PKHD1L1: variants seen among roughly 807,000 people sequenced by gnomAD.
The protein encoded by PKHD1L1 is PKHD1 like 1, also known as fibrocystin-L.
In PKHD1L1, 434 loss-of-function variants were observed where a neutral mutation model predicts 462.9. The observed-to-expected ratio is 0.94, with a 90% CI of 0.87 to 1.02. The LOEUF (loss-of-function observed/expected upper bound fraction) is 1.02, where lower values mean the gene tolerates loss of function less well. Ranked by LOEUF, PKHD1L1 falls within the 50% of genes least tolerant of loss-of-function variation. PKHD1L1 has a pLI of 0.00. For missense variants in PKHD1L1, 5,202 were observed against 5,096.1 expected (o/e 1.02, Z -0.63); for synonymous variants, 1,781 against 1,750.0 (o/e 1.02, Z -0.44).
At chr8:109,401,400 C>T (rs1170598535) in intron 13 of PKHD1L1, 97 bp from the exon 14 acceptor site, 2 of 700,872 alleles carry the variant, frequency 2.9e-6, no homozygotes, top group African/African-American at 1.8e-5. Context: ...ACTTATGAAA[C>T]TTCTAAAACT....
chr8:109,389,126 T>C lies in PKHD1L1; in HGVS notation c.671T>C (p.Val224Ala), dbSNP rs1273765448. The C allele has an allele frequency of 1.2e-6, 2 of 1,610,744 alleles. No homozygotes were observed. Among genetic ancestry groups the C allele is most frequent in the Non-Finnish European group, 1.7e-6 (2 of 1,177,818 alleles). ...DHPNGDMGSMVCKTTGTFIGH... is the reference protein window; with the variant it reads ...DHPNGDMGSMACKTTGTFIGH... The stretch of plus-strand genomic sequence containing the variant: ...CCAAATGGAGATATGGGTTCTATGG[T>C]TTGTAAGACGACTGGAACTTTTATT... Residue 224 changes from valine to alanine, a missense_variant, in exon 8 of 78, where the codon GTT (valine) becomes GCT (alanine). Physicochemically the swap from Val to Ala is moderately conservative, Grantham distance 64. This residue lies in a region of PKHD1L1 where 4,497 missense variants were observed against 4,336.8 expected (regional missense o/e 1.04). Transcript: ENST00000378402.
intron 68 of PKHD1L1, among the ~76,000 whole-genome samples, chr8:109,505,527 A>T (rs1819644478): frequency 6.6e-6 from 1 of 152,164 alleles, no homozygotes; most frequent in Non-Finnish European, 1.5e-5. Context: ...ACAATACTGG[A>T]GGCAGAAAAA....
chr8:109,449,585 A>T (rs540647625), intron 40 of PKHD1L1, 98 bp downstream of exon 40: 2 of 1,114,510 alleles, frequency 1.8e-6, no homozygotes, highest in South Asian at 2.0e-5. Context: ...TCCTTGGAGT[A>T]ATTAAATCAC....
chr8:109,496,777 A>G lies in PKHD1L1; in HGVS notation c.10328-142A>G, dbSNP rs541103788. Reference sequence around the variant, plus strand: ...AACCATAAATGGCAGAGCCATAAAAATATTTGATCATATTAAACCTGATAT... The same window carrying G: ...AACCATAAATGGCAGAGCCATAAAAGTATTTGATCATATTAAACCTGATAT... On this transcript the variant is annotated intron_variant, in intron 63 of 77. Transcript: ENST00000378402. 62 of 858,060 alleles carry G rather than the reference A, an allele frequency of 7.2e-5. 2 individuals are homozygous for G. The South Asian group carries it at 1.2e-3, about 17-fold the overall frequency. The allele number at this position is 858,060 out of a possible 1,614,324, so 53.2% of individuals were successfully genotyped here.
At chr8:109,491,780 A>T (rs376986478) in intron 61 of PKHD1L1, 93 bp from the exon 62 acceptor site, 3 of 1,178,476 alleles carry the variant, frequency 2.5e-6, no homozygotes, top group East Asian at 2.6e-5. Context: ...AAATAATTTT[A>T]TGGAAAAATC....
intron 31 of PKHD1L1, among the ~76,000 whole-genome samples, 154 bp downstream of exon 31, chr8:109,438,610 T>C (rs894499711): frequency 6.6e-6 from 1 of 152,138 alleles, no homozygotes; most frequent in Non-Finnish European, 1.5e-5. Context: ...TAGATTAATC[T>C]ATTTATTATT....
At position 109,532,309 on chromosome 8, in the gene PKHD1L1, T is replaced by C. The variant is rs1563646996; in HGVS notation, c.*2219T>C. 6.6e-6 allele frequency among the ~76,000 whole-genome samples: 1 copy of C among 152,228 alleles called. No individual in the cohort carries two copies. The highest frequency in any genetic ancestry group is 1.5e-5 in the Non-Finnish European group (1 of 68,028). On this transcript the variant is annotated 3_prime_UTR_variant, in exon 78 of 78. Transcript: ENST00000378402. ...TCTGGCTGTCTGCTTTTTAAGAACA[T>C]TCTAGAATTATCATAATAATTCCTT...
At chr8:109,417,305 G>A (rs1814228317) in intron 21 of PKHD1L1, among the ~76,000 whole-genome samples, 1 of 151,714 alleles carries the variant, frequency 6.6e-6, no homozygotes, top group African/African-American at 2.4e-5. Flanking sequence ...AACATCTCAT[G>A]TACCCCACAA....
rs1458735673 is a variant in PKHD1L1 at position 109,401,949 on chromosome 8, C to A, written c.1373+361C>A. ...TATTGCTAGGGAAAAATCACTAAGC[C>A]ACATAGATTGTTGCCACTTTTAATA... On this transcript the variant is annotated intron_variant, in intron 14 of 77. Coordinates refer to ENST00000378402, the MANE Select transcript of PKHD1L1 (RefSeq NM_177531.6). 3.9e-5 allele frequency among the ~76,000 whole-genome samples: 6 copies of A among 152,216 alleles called. No homozygotes were observed. The East Asian group carries it at 1.2e-3, about 29-fold the overall frequency.
intron 46 of PKHD1L1, among the ~76,000 whole-genome samples, chr8:109,458,883 C>A (rs1045942289): frequency 2.0e-5 from 3 of 152,030 alleles, no homozygotes; most frequent in Non-Finnish European, 4.4e-5. Context: ...TAGTTCTATG[C>A]CTAAAATGCA....
In PKHD1L1 at chr8:109,466,662, TC is replaced by T; in HGVS notation, c.8501del (p.Pro2834LeufsTer14). 1 of 1,611,466 alleles carries T rather than the reference TC, an allele frequency of 6.2e-7. No homozygotes were observed. The highest frequency in any genetic ancestry group is 1.7e-5 in the Admixed American group (1 of 59,726). On this transcript the variant is annotated frameshift_variant, in exon 50 of 78. Transcript: ENST00000378402. LOFTEE classifies it high-confidence loss of function. ...CTQEAEWSIGFPGSVCDASVS... is the reference protein window; with the variant it reads ...CTQEAEWSIGXPGSVCDASVS... Reference sequence around the variant, plus strand: ...CAGGAAGCTGAGTGGAGCATTGGGTTCCCTGGATCAGTCTGTGATGCTTCAG... The same window carrying T: ...CAGGAAGCTGAGTGGAGCATTGGGTTCCTGGATCAGTCTGTGATGCTTCAG...
Position 109,415,862 on chromosome 8 carries a change from GGGGTGT to G in PKHD1L1, c.2360+2319_2360+2324del, listed in dbSNP as rs1323012014. On this transcript the variant is annotated intron_variant, in intron 21 of 77. Coordinates refer to ENST00000378402, the MANE Select transcript of PKHD1L1 (RefSeq NM_177531.6). Reference sequence around the variant, plus strand: ...GACCTTGTCTTAAAAAAAAAAAAAAGGGGTGTGTGTGTGTGTGTGTGTGTGTGTGTG... The same window carrying G: ...GACCTTGTCTTAAAAAAAAAAAAAAGGTGTGTGTGTGTGTGTGTGTGTGTG... Among the ~76,000 whole-genome samples, 504 of 83,900 alleles carry G rather than the reference GGGGTGT, an allele frequency of 6.0e-3. 6 individuals are homozygous for G. The highest frequency in any genetic ancestry group is 0.056 in the East Asian group (127 of 2,276). 55.0% of individuals were successfully genotyped at this position (83,900 alleles called of 152,430 possible).
chr8:109,365,302 A>T (rs1178929013), intron 2 of PKHD1L1, among the ~76,000 whole-genome samples: 1 of 152,208 alleles, frequency 6.6e-6, no homozygotes, highest in Non-Finnish European at 1.5e-5. Context: ...AACAATAAGA[A>T]ACATTTAAAA....
intron 23 of PKHD1L1, among the ~76,000 whole-genome samples, chr8:109,421,741 G>A (rs556384635): frequency 5.3e-4 from 81 of 152,230 alleles, no homozygotes; most frequent in Non-Finnish European, 1.1e-3. Flanking sequence ...CGGAGATCGC[G>A]CCACTGCACT....
At chr8:109,523,481 T>C in intron 76 of PKHD1L1, 95 bp downstream of exon 76, 1 of 1,225,772 alleles carries the variant, frequency 8.2e-7, no homozygotes, top group Non-Finnish European at 1.1e-6. Flanking sequence ...AACACTCTGG[T>C]CAATAAATTA....
intron 62 of PKHD1L1, 135 bp downstream of exon 62, chr8:109,492,129 T>A (rs994910044): frequency 7.8e-4 from 399 of 511,942 alleles, no homozygotes; most frequent in South Asian, 1.5e-3. Flanking sequence ...CCATTGATTT[T>A]TTTTTTTTTC....
At position 109,442,114 on chromosome 8, in the gene PKHD1L1, A is replaced by G; in HGVS notation, c.4312A>G (p.Arg1438Gly). 3.1e-6 allele frequency: 5 copies of G among 1,613,534 alleles called. No homozygotes were observed. Among genetic ancestry groups the G allele is most frequent in the Non-Finnish European group, 4.2e-6 (5 of 1,179,598 alleles). Reference protein sequence around the residue: ...THPFLRGIGYRIFSVSSPGSV... With the variant: ...THPFLRGIGYGIFSVSSPGSV... ...TCCGTTTCTTAGAGGGATAGGATAT[A>G]GGATTTTTTCTGTCTCCAGTCCTGG... The change falls in exon 35 of 78, where the codon AGG (arginine) becomes GGG (glycine). Residue 1438 changes from arginine (R) to glycine (G), a missense_variant. Arg to Gly is a moderately radical substitution (Grantham distance 125). Around this residue, in one of 3 missense-constraint regions of PKHD1L1, gnomAD observed 4,497 missense variants for 4,336.8 expected, o/e 1.04. Transcript: ENST00000378402.
chr8:109,406,946 GA>G lies in PKHD1L1; in HGVS notation c.1813+475del, dbSNP rs1813584881. ...GCAGTATTAAAAAAAAAAGGAAAAA[GA>G]AAAAAATCAATTTACCTGTGTTTAA... is the stretch of plus-strand genomic sequence containing the variant. On this transcript the variant is annotated intron_variant, in intron 17 of 77. Transcript: ENST00000378402. Among the ~76,000 whole-genome samples, 3 of 151,408 alleles carry G rather than the reference GA, an allele frequency of 2.0e-5. No homozygotes were observed. In the South Asian group the frequency reaches 6.3e-4, roughly 32 times the overall value.
chr8:109,406,375 A>G lies in PKHD1L1; in HGVS notation c.1710A>G (p.Ser570=), dbSNP rs1813535072. ...ATGCTTCTGAATTCATACTGCAATC[A>G]GCCTTGAATGACCTCTGGTCTATAA... is the stretch of plus-strand genomic sequence containing the variant. The part of the protein sequence containing the change: ...PADASEFILQ[S]ALNDLWSIKP... Residue 570 remains serine (S), a synonymous_variant, in exon 17 of 78, where the codon TCA becomes TCG. Transcript: ENST00000378402. 6.4e-7 allele frequency: 1 copy of G among 1,560,464 alleles called. No homozygotes were observed. The highest frequency in any genetic ancestry group is 2.4e-5 in the East Asian group (1 of 42,076).
Sources: gnomAD v4.1 joint callset for allele counts (sites outside exome capture counted in the v4.1 genomes callset) on GRCh38, gnomAD v4.1.1 for gene constraint, gnomAD v4.1.1 regional missense constraint, MANE v1.5 for transcripts, NCBI Gene and HGNC (gene_info 2026-07-23, HGNC 2026-07-21) for gene names.